The following PAH variants were observed in gnomAD, a reference collection of about 807,000 sequenced individuals.
The protein encoded by PAH is phenylalanine hydroxylase.
Under a neutral mutation model 62.0 loss-of-function variants are expected in PAH, and 64 were observed. That is an observed-to-expected ratio of 1.03 (90% CI 0.84 to 1.27). PAH has a LOEUF of 1.27. PAH is among the 50% of genes most tolerant of loss of function. The pLI, the probability that PAH is intolerant of heterozygous loss-of-function variation, is 0.00. For synonymous variants in PAH, 195 were observed against 196.2 expected (o/e 0.99, Z 0.05); for missense variants, 579 against 542.8 (o/e 1.07, Z -0.66).
Position 102,846,917 on chromosome 12 carries a change from T to A in PAH, c.947A>T (p.Glu316Val), listed in dbSNP as rs1874873096. 1 of 1,613,668 alleles carries A rather than the reference T, an allele frequency of 6.2e-7. No individual in the cohort carries two copies. The highest frequency in any genetic ancestry group is 8.5e-7 in the Non-Finnish European group (1 of 1,179,684). ...TACTGTGGCGAGCTTTTCAATGTAT[T>A]CATCAGGTGCACCCAGAGAGGCAAG... is the stretch of plus-strand genomic sequence containing the variant. ...IGLASLGAPD[E>V]YIEKLATIYW... is the part of the protein sequence containing the mutation. Residue 316 changes from glutamate to valine, a missense_variant, in exon 9 of 13, where the codon GAA (glutamate) becomes GTA (valine). Coordinates refer to ENST00000553106, the MANE Select transcript of PAH (RefSeq NM_000277.3).
chr12:102,844,528 A>C, intron 9 of PAH, 97 bp from the exon 10 acceptor site: 1 of 829,412 alleles, frequency 1.2e-6, no homozygotes. Context: ...ATAGTAAAGC[A>C]TTATTTTGGG....
chr12:102,931,828 T>A (rs73393570), intron 1 of PAH, among the ~76,000 whole-genome samples: 4,816 of 152,272 alleles, frequency 0.032, 265 homozygotes, highest in African/African-American at 0.11. Flanking sequence ...AACCCACCAC[T>A]TTGTTGGTAC....
chr12:102,923,210 A>G (rs1272369819), intron 1 of PAH, among the ~76,000 whole-genome samples: 2 of 152,192 alleles, frequency 1.3e-5, no homozygotes, highest in African/African-American at 2.4e-5. Flanking sequence ...AGCAGGGGGT[A>G]CACACTTGTG....
intron 11 of PAH, 75 bp downstream of exon 11, chr12:102,843,571 G>GCCAACCAC: frequency 6.6e-7 from 1 of 1,525,810 alleles, no homozygotes; most frequent in Non-Finnish European, 9.1e-7. Flanking sequence ...CACTCTCCTG[G>GCCAACCAC]CCAACCACCC....
At chr12:102,908,191 G>GC (rs1366248459) in intron 2 of PAH, among the ~76,000 whole-genome samples, 6 of 150,080 alleles carry the variant, frequency 4.0e-5, no homozygotes, top group Admixed American at 1.3e-4. Context: ...ACATGCATGC[G>GC]CCCCCCTCCC....
intron 1 of PAH, among the ~76,000 whole-genome samples, chr12:102,930,893 T>C (rs753757919): frequency 5.3e-5 from 8 of 152,192 alleles, no homozygotes; most frequent in Non-Finnish European, 1.0e-4. Context: ...TCAGTATATT[T>C]GTGTGTGAAG....
chr12:102,869,088 A>G (rs1173476502), intron 4 of PAH, among the ~76,000 whole-genome samples: 1 of 152,214 alleles, frequency 6.6e-6, no homozygotes, highest in Non-Finnish European at 1.5e-5. Flanking sequence ...TTGAGCACTG[A>G]AGTAGGAATC....
At chr12:102,854,064 G>A (rs1875298484) in intron 6 of PAH, among the ~76,000 whole-genome samples, 1 of 152,160 alleles carries the variant, frequency 6.6e-6, no homozygotes, top group Non-Finnish European at 1.5e-5. Context: ...AGCTAAAGAA[G>A]TCTTTGAGAT....
At chr12:102,862,798 T>C (rs1875786476) in intron 5 of PAH, among the ~76,000 whole-genome samples, 2 of 152,188 alleles carry the variant, frequency 1.3e-5, no homozygotes, top group African/African-American at 2.4e-5. Context: ...CCTTTCAGAA[T>C]TGTACCTCAT....
intron 5 of PAH, among the ~76,000 whole-genome samples, chr12:102,857,064 A>T (rs2136651941): frequency 6.6e-6 from 1 of 152,338 alleles, no homozygotes; most frequent in South Asian, 2.1e-4. Context: ...CATTGCAAAG[A>T]AGCTAAAAAC....
chr12:102,840,986 T>C (rs776495345), intron 11 of PAH, among the ~76,000 whole-genome samples: 1 of 152,204 alleles, frequency 6.6e-6, no homozygotes, highest in Non-Finnish European at 1.5e-5. Flanking sequence ...ACCTTCTATG[T>C]TCCAAGAACT....
intron 3 of PAH, among the ~76,000 whole-genome samples, chr12:102,886,537 G>A (rs953227249): frequency 6.6e-6 from 1 of 152,056 alleles, no homozygotes; most frequent in Non-Finnish European, 1.5e-5. Flanking sequence ...GCTCACCATT[G>A]CATTGAGATC....
At position 102,853,596 on chromosome 12, in the gene PAH, T is replaced by C. The variant is rs760010295; in HGVS notation, c.707-646A>G. 3.3e-5 allele frequency among the ~76,000 whole-genome samples: 5 copies of C among 152,196 alleles called. No homozygotes were observed. In the South Asian group the frequency reaches 1.0e-3, roughly 32 times the overall value. ...CTATGAATTGGCAGGTAAGTTTACC[T>C]AATTAAGGGGTAAAATATTAGCAAG... is the stretch of plus-strand genomic sequence containing the variant. On this transcript the variant is annotated intron_variant, in intron 6 of 12. Coordinates refer to ENST00000553106, the MANE Select transcript of PAH (RefSeq NM_000277.3).
At chr12:102,929,380 T>G (rs997220300) in intron 1 of PAH, among the ~76,000 whole-genome samples, 24 of 152,038 alleles carry the variant, frequency 1.6e-4, no homozygotes, top group African/African-American at 5.6e-4. Context: ...AGTAGAAATA[T>G]CTAGATGAAA....
chr12:102,894,540 C>A (rs538798707), intron 3 of PAH, among the ~76,000 whole-genome samples, 195 bp downstream of exon 3: 3 of 152,020 alleles, frequency 2.0e-5, no homozygotes, highest in Admixed American at 2.0e-4. Flanking sequence ...CAACCTATGT[C>A]CACTCATTTA....
At chr12:102,918,008 T>C (rs1172343994), upstream of PAH, among the ~76,000 whole-genome samples, 1 of 152,204 alleles carries the variant, frequency 6.6e-6, no homozygotes, top group African/African-American at 2.4e-5. Flanking sequence ...GTTCTAGTCT[T>C]TGGGAATACA....
intron 5 of PAH, among the ~76,000 whole-genome samples, chr12:102,864,846 G>T (rs912487969): frequency 4.7e-5 from 7 of 150,408 alleles, no homozygotes; most frequent in Non-Finnish European, 8.9e-5. Context: ...AGACCCTGAA[G>T]TAAGAGACTA....
intron 1 of PAH, among the ~76,000 whole-genome samples, chr12:102,937,759 A>C (rs1032500476): frequency 6.6e-6 from 1 of 152,348 alleles, no homozygotes; most frequent in East Asian, 1.9e-4. Context: ...TAGTATTACC[A>C]GTAAGTTTTT....
At chr12:102,864,925 G>C (rs1426272064) in intron 5 of PAH, among the ~76,000 whole-genome samples, 1 of 152,104 alleles carries the variant, frequency 6.6e-6, no homozygotes, top group African/African-American at 2.4e-5. Flanking sequence ...AGTCAAGTCT[G>C]AAATAGGCTT....
Sources: allele counts gnomAD v4.1 joint callset (sites outside exome capture counted in the v4.1 genomes callset), GRCh38; gene constraint gnomAD v4.1.1; transcripts MANE v1.5; gene names NCBI Gene and HGNC (gene_info 2026-07-23, HGNC 2026-07-21).